YTHDC2: variants seen among roughly 807,000 people sequenced by gnomAD.
The protein encoded by YTHDC2 is YTH N6-methyladenosine RNA binding protein C2.
Under a neutral mutation model 174.9 loss-of-function variants are expected in YTHDC2, and 45 were observed. The ratio of observed to expected loss-of-function variants is 0.26; its 90% CI spans 0.20 to 0.33. The LOEUF (loss-of-function observed/expected upper bound fraction) is 0.33, where lower values mean the gene tolerates loss of function less well. Among genes scored for constraint, YTHDC2 ranks in the 10% least tolerant of loss-of-function variants. YTHDC2 has a pLI of 1.00. For synonymous variants in YTHDC2, 657 were observed against 574.5 expected (o/e 1.14, Z -2.05); for missense variants, 1,650 against 1,723.7 (o/e 0.96, Z 0.76).
At chr5:113,584,773 C>CT (rs34217644) in intron 26 of YTHDC2, among the ~76,000 whole-genome samples, 37,261 of 95,840 alleles carry the variant, frequency 0.39, 9,269 homozygotes, top group African/African-American at 0.6. Flanking sequence ...CTTTCGAATC[C>CT]TTTTTTTTTT....
rs1580453906 is a variant in YTHDC2 at position 113,513,734 on chromosome 5, T to G, written c.-162T>G. 2 of 736,776 alleles carry G rather than the reference T, an allele frequency of 2.7e-6. No homozygotes were observed. Among genetic ancestry groups the G allele is most frequent in the East Asian group, 3.2e-5 (1 of 31,470 alleles). The allele number at this position is 736,776 out of a possible 1,614,324, so 45.6% of individuals were successfully genotyped here. On this transcript the variant is annotated 5_prime_UTR_variant, in exon 1 of 30. Coordinates refer to ENST00000161863, the MANE Select transcript of YTHDC2 (RefSeq NM_022828.5). ...GTGATATCAATGGCGCAGGCTTCAC[T>G]TCTGCTGTGGCGGTGACTGAGGCCT...
intron 23 of YTHDC2, among the ~76,000 whole-genome samples, chr5:113,577,787 G>A (rs533334591): frequency 2.0e-5 from 3 of 152,084 alleles, no homozygotes; most frequent in East Asian, 1.9e-4. Flanking sequence ...TATAAAGTTT[G>A]GGGATATTTC....
At chr5:113,542,529 T>A in intron 10 of YTHDC2, 26 bp downstream of exon 10, 1 of 1,580,314 alleles carries the variant, frequency 6.3e-7, no homozygotes, top group Non-Finnish European at 8.6e-7. Context: ...TTTTAAAAAA[T>A]TACCCTTACA....
intron 16 of YTHDC2, 26 bp downstream of exon 16, chr5:113,554,048 A>G (rs1328990542): frequency 1.4e-6 from 2 of 1,467,446 alleles, no homozygotes; most frequent in African/African-American, 1.4e-5. Flanking sequence ...TTGTAGTTTT[A>G]CTTAAATGAA....
intron 26 of YTHDC2, among the ~76,000 whole-genome samples, chr5:113,588,611 T>C (rs1778819680): frequency 1.3e-5 from 2 of 150,964 alleles, no homozygotes; most frequent in South Asian, 2.1e-4. Flanking sequence ...TATTTATTTA[T>C]TTATTTATTT....
intron 2 of YTHDC2, among the ~76,000 whole-genome samples, chr5:113,522,002 T>C (rs1326951927): frequency 6.6e-6 from 1 of 152,044 alleles, no homozygotes; most frequent in Admixed American, 6.5e-5. Context: ...ACATTTCCAA[T>C]TCTGTATTAC....
At chr5:113,557,498 A>G (rs1332824320) in intron 17 of YTHDC2, among the ~76,000 whole-genome samples, 2 of 152,168 alleles carry the variant, frequency 1.3e-5, no homozygotes, top group Non-Finnish European at 2.9e-5. Context: ...TTAATAGTAT[A>G]TTATTGTGGG....
At position 113,542,399 on chromosome 5, in the gene YTHDC2, G is replaced by T; in HGVS notation, c.1391G>T (p.Trp464Leu). 6.2e-7 allele frequency: 1 copy of T among 1,612,044 alleles called. No individual in the cohort carries two copies. Among genetic ancestry groups the T allele is most frequent in the Non-Finnish European group, 8.5e-7 (1 of 1,179,356 alleles). ...TEKDVNCLEP[W>L]LIKEMDACLS... The stretch of plus-strand genomic sequence containing the variant: ...AAAGATGTGAATTGCCTTGAACCAT[G>T]GTTAATAAAGGAAATGGATGCTTGC... The change falls in exon 10 of 30, where the codon TGG (tryptophan) becomes TTG (leucine). Residue 464 changes from tryptophan to leucine, a missense_variant. By Grantham distance (61) the Trp-to-Leu change is moderately conservative. Coordinates refer to ENST00000161863, the MANE Select transcript of YTHDC2 (RefSeq NM_022828.5).
chr5:113,532,446 T>G (rs1774738509), intron 4 of YTHDC2, among the ~76,000 whole-genome samples: 3 of 152,302 alleles, frequency 2.0e-5, no homozygotes, highest in African/African-American at 7.2e-5. Context: ...TTTTTGTTTT[T>G]TAACGCTTTT....
intron 4 of YTHDC2, among the ~76,000 whole-genome samples, chr5:113,527,093 C>T (rs532593522): frequency 1.3e-5 from 2 of 152,090 alleles, no homozygotes; most frequent in Admixed American, 6.5e-5. Context: ...GGGCTTTGGC[C>T]TTGAATTTAG....
At chr5:113,547,103 G>A (rs1462439932) in intron 10 of YTHDC2, among the ~76,000 whole-genome samples, 2 of 152,160 alleles carry the variant, frequency 1.3e-5, no homozygotes. Flanking sequence ...AGGGAGAAGG[G>A]AATTAGGCTC....
intron 2 of YTHDC2, among the ~76,000 whole-genome samples, chr5:113,517,935 C>T (rs1157272427): frequency 6.6e-6 from 1 of 152,086 alleles, no homozygotes; most frequent in Non-Finnish European, 1.5e-5. Flanking sequence ...GTCACCCAGG[C>T]TGGAGTGCAG....
intron 26 of YTHDC2, among the ~76,000 whole-genome samples, chr5:113,584,748 A>G (rs373422095): frequency 1.9e-5 from 2 of 103,052 alleles, no homozygotes; most frequent in South Asian, 6.2e-4. Context: ...GCTGTTTATT[A>G]TTTCTTTCCT....
chr5:113,538,215 A>G (rs1375708836), intron 7 of YTHDC2, among the ~76,000 whole-genome samples: 1 of 152,156 alleles, frequency 6.6e-6, no homozygotes, highest in Admixed American at 6.6e-5. Context: ...AACCTGAACT[A>G]TTGCAGTAGC....
At chr5:113,562,818 C>A (rs1445687204) in intron 18 of YTHDC2, among the ~76,000 whole-genome samples, 2 of 152,144 alleles carry the variant, frequency 1.3e-5, no homozygotes, top group South Asian at 2.1e-4. Flanking sequence ...TTGCTTAAAT[C>A]ATATTTACTT....
chr5:113,559,608 A>G (rs889027699), intron 17 of YTHDC2, among the ~76,000 whole-genome samples: 3 of 152,244 alleles, frequency 2.0e-5, no homozygotes, highest in Non-Finnish European at 2.9e-5. Context: ...AAAATAGCCA[A>G]CACTGTAGAT....
In YTHDC2 at chr5:113,557,645, TC is replaced by T. The variant is rs533416133; in HGVS notation, c.2216+1512del. Among the ~76,000 whole-genome samples, 6 of 152,134 alleles carry T rather than the reference TC, an allele frequency of 3.9e-5. No homozygotes were observed. In the East Asian group the frequency reaches 1.2e-3, roughly 29 times the overall value. ...CTTGTCTCTACAAAAAATTAAAAAA[TC>T]AGCTAGGTGTGGTGGCACAGGCCTG... is the stretch of plus-strand genomic sequence containing the variant. On this transcript the variant is annotated intron_variant, in intron 17 of 29. Coordinates refer to ENST00000161863, the MANE Select transcript of YTHDC2 (RefSeq NM_022828.5).
intron 27 of YTHDC2, among the ~76,000 whole-genome samples, 158 bp downstream of exon 27, chr5:113,591,402 T>A (rs1778997722): frequency 6.6e-6 from 1 of 152,196 alleles, no homozygotes; most frequent in Admixed American, 6.5e-5. Context: ...TAGAGGATGA[T>A]AGAACTGGAA....
intron 4 of YTHDC2, among the ~76,000 whole-genome samples, chr5:113,529,916 A>G (rs562567557): frequency 2.6e-5 from 4 of 152,154 alleles, no homozygotes; most frequent in African/African-American, 9.6e-5. Context: ...CCTAAGATTA[A>G]TGGACATTTT....
Sources: gnomAD v4.1 joint callset for allele counts (sites outside exome capture counted in the v4.1 genomes callset) on GRCh38, gnomAD v4.1.1 for gene constraint, MANE v1.5 for transcripts, NCBI Gene and HGNC (gene_info 2026-07-23, HGNC 2026-07-21) for gene names.